Variants in TBC1D22A observed in about 807,000 individuals in gnomAD.
The protein encoded by TBC1D22A is TBC1 domain family member 22A.
In TBC1D22A, 38 loss-of-function variants were observed where a neutral mutation model predicts 60.2. The ratio of observed to expected loss-of-function variants is 0.63; its 90% CI spans 0.49 to 0.83. TBC1D22A has a LOEUF of 0.83. Among genes scored for constraint, TBC1D22A ranks in the 40% least tolerant of loss-of-function variants. The probability of loss-of-function intolerance (pLI) is 0.00; values close to 1 mark genes in which losing one functional copy is unlikely to be tolerated. For missense variants in TBC1D22A, 628 were observed against 701.0 expected (o/e 0.90, Z 1.18); for synonymous variants, 302 against 281.7 (o/e 1.07, Z -0.72).
intron 4 of TBC1D22A, 145 bp from the exon 5 acceptor site, chr22:46,878,508 G>C: frequency 1.5e-6 from 1 of 688,076 alleles, no homozygotes; most frequent in African/African-American, 1.8e-5. Context: ...GAAATCAATC[G>C]TATCTGAAAT....
At chr22:46,846,933 G>A (rs936494784) in intron 4 of TBC1D22A, among the ~76,000 whole-genome samples, 75 of 152,160 alleles carry the variant, frequency 4.9e-4, no homozygotes, top group African/African-American at 1.5e-3. Context: ...CAACTCCTGC[G>A]GTTTTCAGAA....
intron 12 of TBC1D22A, among the ~76,000 whole-genome samples, chr22:47,141,908 C>G (rs972631634): frequency 5.9e-5 from 9 of 152,190 alleles, no homozygotes; most frequent in African/African-American, 2.2e-4. Context: ...AATTTCTGTT[C>G]TACCAAATGG....
intron 8 of TBC1D22A, chr22:46,915,120 G>A (rs544096711): frequency 7.9e-5 from 24 of 305,440 alleles, no homozygotes; most frequent in South Asian, 7.3e-4. Flanking sequence ...GGAGAAGCTT[G>A]GGGTCGAGTC....
At chr22:47,056,970 C>T (rs951224825) in intron 11 of TBC1D22A, among the ~76,000 whole-genome samples, 4 of 152,174 alleles carry the variant, frequency 2.6e-5, no homozygotes, top group Non-Finnish European at 5.9e-5. Flanking sequence ...GCAGCCGCCT[C>T]CTACACTGCC....
chr22:47,010,380 G>A (rs1304846116), intron 10 of TBC1D22A, among the ~76,000 whole-genome samples: 1 of 152,228 alleles, frequency 6.6e-6, no homozygotes, highest in Non-Finnish European at 1.5e-5. Context: ...GGGCAGAGCT[G>A]AGCGTTTGAA....
chr22:46,913,058 C>T (rs111674941), intron 8 of TBC1D22A, among the ~76,000 whole-genome samples: 12,935 of 152,120 alleles, frequency 0.085, 1,021 homozygotes, highest in African/African-American at 0.21. Flanking sequence ...TTAGGTTGGG[C>T]TGTGTTTTTA....
At chr22:47,038,943 A>G (rs1410025874) in intron 11 of TBC1D22A, among the ~76,000 whole-genome samples, 2 of 152,228 alleles carry the variant, frequency 1.3e-5, no homozygotes, top group Admixed American at 1.3e-4. Context: ...ATGACAGGAA[A>G]CAAAACTTAA....
chr22:47,130,212 A>G (rs938929692), intron 12 of TBC1D22A, among the ~76,000 whole-genome samples: 2 of 152,120 alleles, frequency 1.3e-5, no homozygotes, highest in Non-Finnish European at 2.9e-5. Context: ...CCCACCAGAC[A>G]GGTTACCGGA....
chr22:46,867,873 G>A (rs532703702), intron 4 of TBC1D22A, among the ~76,000 whole-genome samples: 2 of 152,296 alleles, frequency 1.3e-5, no homozygotes, highest in South Asian at 2.1e-4. Flanking sequence ...AAAGCCACCC[G>A]GCAGAATGCC....
intron 5 of TBC1D22A, among the ~76,000 whole-genome samples, chr22:46,884,350 G>T (rs74772272): frequency 0.012 from 1,791 of 152,270 alleles, 51 homozygotes; most frequent in East Asian, 0.071. Context: ...GTGCATTCCT[G>T]TCTGGTTCAT....
intron 8 of TBC1D22A, among the ~76,000 whole-genome samples, chr22:46,930,895 C>T (rs2071320789): frequency 6.6e-6 from 1 of 152,200 alleles, no homozygotes; most frequent in Non-Finnish European, 1.5e-5. Flanking sequence ...ACAAATTCAC[C>T]TAAGCTAAAT....
chr22:46,815,853 G>C (rs938747127), intron 4 of TBC1D22A, among the ~76,000 whole-genome samples: 1 of 152,124 alleles, frequency 6.6e-6, no homozygotes, highest in African/African-American at 2.4e-5. Context: ...ATGGAAGATG[G>C]AGGGAGAGGG....
intron 10 of TBC1D22A, among the ~76,000 whole-genome samples, chr22:47,017,383 T>C (rs1018352398): frequency 6.6e-6 from 1 of 152,184 alleles, no homozygotes; most frequent in Non-Finnish European, 1.5e-5. Flanking sequence ...AGGGGTCGCC[T>C]TCTTCTCTGA....
chr22:47,038,531 C>G (rs1208319720), intron 11 of TBC1D22A, among the ~76,000 whole-genome samples: 1 of 152,212 alleles, frequency 6.6e-6, no homozygotes, highest in East Asian at 1.9e-4. Flanking sequence ...GTGCGTTCTT[C>G]CCACAGGACA....
chr22:46,894,890 C>G lies in TBC1D22A; in HGVS notation c.900+44C>G, dbSNP rs765398150. 4.4e-6 allele frequency: 7 copies of G among 1,603,292 alleles called. No homozygotes were observed. The East Asian group carries it at 1.6e-4, about 36-fold the overall frequency. On this transcript the variant is annotated intron_variant, in intron 7 of 12. Coordinates refer to ENST00000337137, the MANE Select transcript of TBC1D22A (RefSeq NM_014346.5). ...GGGGAGTTCCCCTCGTTGGGAGTGG[C>G]TGATGCCCACTGTGCTAACCAGACA...
At chr22:47,106,899 C>G (rs550489145) in intron 11 of TBC1D22A, among the ~76,000 whole-genome samples, 140 of 152,290 alleles carry the variant, frequency 9.2e-4, no homozygotes, top group African/African-American at 3.3e-3. Context: ...TGCCCCTGCA[C>G]TCCAGTCTGG....
At chr22:46,800,372 G>C (rs1345058029) in intron 4 of TBC1D22A, among the ~76,000 whole-genome samples, 1 of 152,078 alleles carries the variant, frequency 6.6e-6, no homozygotes, top group Non-Finnish European at 1.5e-5. Context: ...AAGGTAGATC[G>C]TGCTTACGGG....
chr22:46,945,670 C>T (rs141676410), intron 8 of TBC1D22A, among the ~76,000 whole-genome samples: 121 of 152,310 alleles, frequency 7.9e-4, no homozygotes, highest in African/African-American at 2.0e-3. Context: ...GTCCTTCTGC[C>T]CTTTCCTCTG....
At chr22:47,063,803 C>T (rs908981815) in intron 11 of TBC1D22A, among the ~76,000 whole-genome samples, 7 of 152,196 alleles carry the variant, frequency 4.6e-5, no homozygotes, top group African/African-American at 1.7e-4. Flanking sequence ...TGTTACCAGT[C>T]ATCCTCGGCA....
Sources: allele counts gnomAD v4.1 joint callset (sites outside exome capture counted in the v4.1 genomes callset), GRCh38; gene constraint gnomAD v4.1.1; transcripts MANE v1.5; gene names NCBI Gene and HGNC (gene_info 2026-07-23, HGNC 2026-07-21).